The following ITPR2 variants were observed in gnomAD, a reference collection of about 807,000 sequenced individuals.
ITPR2 encodes the protein inositol 1,4,5-trisphosphate-gated calcium channel ITPR2.
ITPR2 carries 207 observed loss-of-function variants against 317.1 expected under a neutral mutation model. That is an observed-to-expected ratio of 0.65 (90% CI 0.58 to 0.73). ITPR2 has a LOEUF of 0.73. Among genes scored for constraint, ITPR2 ranks in the 30% least tolerant of loss-of-function variants. ITPR2 has a pLI of 0.00. For synonymous variants in ITPR2, 1,156 were observed against 1,149.1 expected, an observed-to-expected ratio of 1.01 and a Z score of -0.12; for missense variants, 2,613 against 3,284.0, an observed-to-expected ratio of 0.80 and a Z score of 4.99.
At chr12:26,407,285 T>C (rs1175882613) in intron 52 of ITPR2, among the ~76,000 whole-genome samples, 1 of 152,176 alleles carries the variant, frequency 6.6e-6, no homozygotes, top group African/African-American at 2.4e-5. Flanking sequence ...GTATTCAGGG[T>C]CATGAATAAC....
intron 2 of ITPR2, among the ~76,000 whole-genome samples, chr12:26,775,197 C>G (rs1488694263): frequency 6.6e-6 from 1 of 151,832 alleles, no homozygotes; most frequent in Non-Finnish European, 1.5e-5. Context: ...TCAATAACAA[C>G]AGAATAACAT....
In ITPR2 at chr12:26,398,970, G is replaced by A. The variant is rs767482355; in HGVS notation, c.7602C>T (p.Asn2534=). ...FYFIVIIIVL[N]LIFGVIIDTF... The stretch of plus-strand genomic sequence containing the variant: ...TATCGATGATAACACCAAAAATCAA[G>A]TTCAGAACAATAATGATAACAATGA... The change falls in exon 54 of 57, where the codon AAC becomes AAT. Residue 2534 remains asparagine, a synonymous_variant. Coordinates refer to ENST00000381340, the MANE Select transcript of ITPR2 (RefSeq NM_002223.4). 2 of 1,610,614 alleles carry A rather than the reference G, an allele frequency of 1.2e-6. No homozygotes were observed. The highest frequency in any genetic ancestry group is 2.2e-5 in the South Asian group (2 of 90,410).
chr12:26,476,845 A>T, intron 44 of ITPR2, 67 bp downstream of exon 44: 1 of 951,238 alleles, frequency 1.1e-6, no homozygotes, highest in Non-Finnish European at 1.7e-6. Context: ...TTTTTCTGAC[A>T]TGCATTCTCT....
chr12:26,606,429 A>C (rs746842581), intron 26 of ITPR2, among the ~76,000 whole-genome samples: 1 of 152,184 alleles, frequency 6.6e-6, no homozygotes, highest in Non-Finnish European at 1.5e-5. Context: ...ATATACCATA[A>C]CATAAAACAG....
intron 48 of ITPR2, 75 bp from the exon 49 acceptor site, chr12:26,428,163 TA>T: frequency 3.6e-6 from 4 of 1,119,806 alleles, no homozygotes; most frequent in Non-Finnish European, 4.9e-6. Flanking sequence ...TGCTCTACTT[TA>T]TATGGTATCA....
At chr12:26,507,037 A>G (rs941830435) in intron 37 of ITPR2, among the ~76,000 whole-genome samples, 2 of 152,206 alleles carry the variant, frequency 1.3e-5, no homozygotes, top group African/African-American at 4.8e-5. Flanking sequence ...TAAAAATTAT[A>G]TAAATCTAAT....
chr12:26,507,857 C>CTGTGTGTG (rs369130996), intron 37 of ITPR2, among the ~76,000 whole-genome samples: 56 of 88,330 alleles, frequency 6.3e-4, no homozygotes, highest in African/African-American at 1.9e-3. Flanking sequence ...TCTTCTCTCT[C>CTGTGTGTG]TGTCTCTGTG....
rs1367267550 is a variant in ITPR2 at position 26,478,422 on chromosome 12, C to A, written c.6124-1415G>T. Among the ~76,000 whole-genome samples, 4 of 152,052 alleles carry A rather than the reference C, an allele frequency of 2.6e-5. No individual in the cohort carries two copies. In the East Asian group the frequency reaches 7.7e-4, roughly 29 times the overall value. On this transcript the variant is annotated intron_variant, in intron 43 of 56. Transcript: ENST00000381340. ...TCTAGGATTAGTGGAGAGCTTAAATCCTAGGAGTAATCTGAACAGACCTCC... is the reference window on the plus strand; with the variant it reads ...TCTAGGATTAGTGGAGAGCTTAAATACTAGGAGTAATCTGAACAGACCTCC...
chr12:26,594,759 T>A lies in ITPR2; in HGVS notation c.4380+706A>T, dbSNP rs578172109. Among the ~76,000 whole-genome samples, 10 of 150,936 alleles carry A rather than the reference T, an allele frequency of 6.6e-5. No homozygotes were observed. In the East Asian group the frequency reaches 1.9e-3, roughly 29 times the overall value. On this transcript the variant is annotated intron_variant, in intron 32 of 56. Coordinates refer to ENST00000381340, the MANE Select transcript of ITPR2 (RefSeq NM_002223.4). Reference sequence around the variant, plus strand: ...AGTATGCAAAAAAAAAAGGCTAAGATGTGCTAAAGAAAATTGTGTTGTCCA... The same window carrying A: ...AGTATGCAAAAAAAAAAGGCTAAGAAGTGCTAAAGAAAATTGTGTTGTCCA...
intron 37 of ITPR2, among the ~76,000 whole-genome samples, chr12:26,506,175 C>A (rs544415621): frequency 1.4e-3 from 215 of 150,700 alleles, no homozygotes; most frequent in African/African-American, 4.7e-3. Context: ...TCAAGACCAG[C>A]CTAGGCAATA....
intron 34 of ITPR2, among the ~76,000 whole-genome samples, chr12:26,564,984 G>A (rs1032394090): frequency 6.6e-6 from 1 of 152,128 alleles, no homozygotes; most frequent in African/African-American, 2.4e-5. Flanking sequence ...AGTCTGACTA[G>A]CATCAGACTT....
At chr12:26,615,174 AAC>A (rs1231189133) in intron 26 of ITPR2, among the ~76,000 whole-genome samples, 9 of 152,210 alleles carry the variant, frequency 5.9e-5, no homozygotes, top group Admixed American at 2.0e-4. Context: ...AATATAATGA[AAC>A]ACAACATGAG....
intron 18 of ITPR2, among the ~76,000 whole-genome samples, chr12:26,657,401 T>C (rs557953393): frequency 6.6e-6 from 1 of 152,314 alleles, no homozygotes; most frequent in South Asian, 2.1e-4. Flanking sequence ...CTCAACTCCA[T>C]CACCTAGGTC....
chr12:26,699,535 T>A (rs1304147326), intron 9 of ITPR2, among the ~76,000 whole-genome samples: 1 of 152,206 alleles, frequency 6.6e-6, no homozygotes, highest in East Asian at 1.9e-4. Flanking sequence ...ATGGTGCCAA[T>A]CAGTTAGATT....
intron 23 of ITPR2, chr12:26,627,271 A>G (rs1946642326): frequency 6.6e-6 from 1 of 152,154 alleles, no homozygotes. Flanking sequence ...TGATAACTAC[A>G]TTTCGCACTG....
At chr12:26,696,602 C>A (rs1948356070) in intron 9 of ITPR2, among the ~76,000 whole-genome samples, 1 of 152,028 alleles carries the variant, frequency 6.6e-6, no homozygotes, top group African/African-American at 2.4e-5. Flanking sequence ...TCATTAAGAA[C>A]TAAGGCTGAA....
chr12:26,671,070 T>C (rs1181783547), intron 13 of ITPR2, among the ~76,000 whole-genome samples: 1 of 152,102 alleles, frequency 6.6e-6, no homozygotes, highest in Admixed American at 6.5e-5. Context: ...AATCTACGTC[T>C]GATTGGTGTA....
chr12:26,599,203 G>T lies in ITPR2; in HGVS notation c.3944C>A (p.Thr1315Lys), dbSNP rs1313117342. The T allele has an allele frequency of 6.8e-6, 11 of 1,613,864 alleles. No individual in the cohort carries two copies. The highest frequency in any genetic ancestry group is 9.3e-6 in the Non-Finnish European group (11 of 1,179,946). The change falls in exon 30 of 57, where the codon ACA becomes AAA. Residue 1315 changes from threonine to lysine, a missense_variant. Physicochemically the swap from Thr to Lys is moderately conservative, Grantham distance 78 (BLOSUM62 -1). Around this residue, in one of 9 missense-constraint regions of ITPR2, gnomAD observed 817 missense variants for 897.6 expected, o/e 0.91. Coordinates refer to ENST00000381340, the MANE Select transcript of ITPR2 (RefSeq NM_002223.4). Reference sequence around the variant, plus strand: ...ATATTTACCATCTGCTTTTACAATTGTTTGCAAAAACCTCAGGTACTCCAC... The same window carrying T: ...ATATTTACCATCTGCTTTTACAATTTTTTGCAAAAACCTCAGGTACTCCAC... ...RHVEYLRFLQTIVKADGKYVK... is the reference protein window; with the variant it reads ...RHVEYLRFLQKIVKADGKYVK...
intron 23 of ITPR2, among the ~76,000 whole-genome samples, chr12:26,626,273 A>T (rs906868306): frequency 2.0e-5 from 3 of 152,144 alleles, no homozygotes; most frequent in African/African-American, 7.2e-5. Context: ...CCAAGGTAAC[A>T]TGTTTAAATG....
Sources: gnomAD v4.1 joint callset for allele counts (sites outside exome capture counted in the v4.1 genomes callset) on GRCh38, gnomAD v4.1.1 for gene constraint, gnomAD v4.1.1 regional missense constraint, MANE v1.5 for transcripts, NCBI Gene and HGNC (gene_info 2026-07-23, HGNC 2026-07-21) for gene names.